The following RGS7 variants were observed in gnomAD, a reference collection of about 807,000 sequenced individuals.
The protein encoded by RGS7 is regulator of G protein signaling 7.
Under a neutral mutation model 81.1 loss-of-function variants are expected in RGS7, and 27 were observed. That is an observed-to-expected ratio of 0.33 (90% CI 0.25 to 0.46). The LOEUF (loss-of-function observed/expected upper bound fraction) is 0.46, where lower values mean the gene tolerates loss of function less well. Ranked by LOEUF, RGS7 falls within the 20% of genes least tolerant of loss-of-function variation. RGS7 has a pLI of 1.00. For missense variants in RGS7, 396 were observed against 607.4 expected (o/e 0.65, Z 3.66); for synonymous variants, 208 against 207.7 (o/e 1.00, Z -0.01).
chr1:241,264,455 C>T (rs750588627), intron 2 of RGS7, among the ~76,000 whole-genome samples: 9 of 152,118 alleles, frequency 5.9e-5, no homozygotes, highest in Non-Finnish European at 1.2e-4. Flanking sequence ...TGAGACAGTG[C>T]CTCTGCACTC....
rs373357799 is a variant in RGS7, at chr1:241,271,884, CGTGTGTGT to C, written c.78+83807_78+83814del. On this transcript the variant is annotated intron_variant, in intron 2 of 18. Coordinates refer to ENST00000440928, the MANE Select transcript of RGS7 (RefSeq NM_001364886.1). The surrounding 1 kb of genome is among the most constrained non-coding windows in gnomAD (Gnocchi z 4.6). ...AATCACACAAGCCAAATCTTTATAA[CGTGTGTGT>C]GTGTGTGTGTGTGTGTGTGTGTGTG... Among the ~76,000 whole-genome samples, 17,960 of 140,324 alleles carry C rather than the reference CGTGTGTGT, an allele frequency of 0.13. 1,190 individuals are homozygous for C. Among genetic ancestry groups the C allele is most frequent in the Middle Eastern group, 0.15 (41 of 274 alleles). 92.1% of individuals were successfully genotyped at this position (140,324 alleles called of 152,430 possible). A position where few individuals can be genotyped will look rare whatever the true frequency, so the allele number is the denominator to read the frequency against.
At chr1:240,882,159 C>T (rs550370595) in intron 6 of RGS7, among the ~76,000 whole-genome samples, 11 of 152,280 alleles carry the variant, frequency 7.2e-5, no homozygotes, top group Non-Finnish European at 1.3e-4. Context: ...AAGTGATCCA[C>T]CCGCCTTGGC....
chr1:241,302,906 T>C (rs916692693), intron 2 of RGS7, among the ~76,000 whole-genome samples: 1 of 152,054 alleles, frequency 6.6e-6, no homozygotes, highest in South Asian at 2.1e-4. Flanking sequence ...ACCACTGTAA[T>C]ACTATTATCA....
chr1:241,082,564 G>A (rs1355485722), intron 3 of RGS7, among the ~76,000 whole-genome samples: 1 of 152,180 alleles, frequency 6.6e-6, no homozygotes, highest in Non-Finnish European at 1.5e-5. Flanking sequence ...GTTACTAGAG[G>A]CTGGGAAGGG....
chr1:240,890,980 G>A (rs1305071737), intron 6 of RGS7, among the ~76,000 whole-genome samples: 1 of 152,214 alleles, frequency 6.6e-6, no homozygotes. Context: ...AGAGGCCTAC[G>A]ATATTCTTGA....
chr1:241,029,615 T>G (rs1023696354), intron 3 of RGS7, among the ~76,000 whole-genome samples: 1 of 152,248 alleles, frequency 6.6e-6, no homozygotes, highest in African/African-American at 2.4e-5. Context: ...CCATGCTTAT[T>G]CAATTACCTT....
intron 2 of RGS7, among the ~76,000 whole-genome samples, chr1:241,308,517 G>C (rs536803282): frequency 3.3e-5 from 5 of 152,140 alleles, no homozygotes; most frequent in Admixed American, 1.3e-4. Flanking sequence ...TTATCAGCTG[G>C]TCTATTACCT....
At chr1:241,221,560 G>A (rs986737685) in intron 2 of RGS7, among the ~76,000 whole-genome samples, 1 of 152,194 alleles carries the variant, frequency 6.6e-6, no homozygotes, top group Non-Finnish European at 1.5e-5. Context: ...AGCTTGGCTG[G>A]GCGACAACGC....
At chr1:241,321,381 T>C (rs555181269) in intron 2 of RGS7, among the ~76,000 whole-genome samples, 58 of 152,332 alleles carry the variant, frequency 3.8e-4, no homozygotes, top group Non-Finnish European at 5.4e-4. Flanking sequence ...CTTTCTGTTT[T>C]CAAGCAATTT....
chr1:240,944,631 T>G (rs1463975909), intron 4 of RGS7, among the ~76,000 whole-genome samples: 2 of 151,962 alleles, frequency 1.3e-5, no homozygotes, highest in Non-Finnish European at 2.9e-5. Flanking sequence ...CATGTGGAAA[T>G]CATGGGAAAA....
chr1:241,013,992 C>T (rs889547721), intron 3 of RGS7, among the ~76,000 whole-genome samples: 2 of 152,178 alleles, frequency 1.3e-5, no homozygotes, highest in Admixed American at 1.3e-4. Context: ...GCAGAAGCTA[C>T]AAGAATAATG....
At chr1:240,904,753 T>C (rs1670551732) in intron 6 of RGS7, among the ~76,000 whole-genome samples, 1 of 152,336 alleles carries the variant, frequency 6.6e-6, no homozygotes, top group Non-Finnish European at 1.5e-5. Flanking sequence ...AGCTGGATGA[T>C]ACTGGACATT....
chr1:240,981,558 T>TA (rs1466981849), intron 4 of RGS7, among the ~76,000 whole-genome samples: 2 of 152,166 alleles, frequency 1.3e-5, no homozygotes, highest in South Asian at 2.1e-4. Flanking sequence ...CCTATAGTTT[T>TA]AAAAAAACAG....
intron 2 of RGS7, among the ~76,000 whole-genome samples, chr1:241,145,458 A>G (rs1176101948): frequency 6.6e-6 from 1 of 152,218 alleles, no homozygotes; most frequent in East Asian, 1.9e-4. Flanking sequence ...TTTAGGATAA[A>G]GGTTGGATCC....
At chr1:241,120,428 G>A (rs912266481) in intron 2 of RGS7, among the ~76,000 whole-genome samples, 1 of 152,052 alleles carries the variant, frequency 6.6e-6, no homozygotes, top group African/African-American at 2.4e-5. Flanking sequence ...GTTCACTACC[G>A]CCTGGAACTC....
chr1:241,306,381 A>C (rs1393191786), intron 2 of RGS7, among the ~76,000 whole-genome samples: 2 of 149,760 alleles, frequency 1.3e-5, no homozygotes, highest in East Asian at 3.9e-4. Flanking sequence ...ACACGCACAC[A>C]CCCTTACACC....
At chr1:241,079,419 G>A (rs1005298043) in intron 3 of RGS7, among the ~76,000 whole-genome samples, 16 of 152,094 alleles carry the variant, frequency 1.1e-4, no homozygotes, top group African/African-American at 3.1e-4. Context: ...CATGTCCATC[G>A]AGAATAAAAT....
chr1:241,343,904 A>G (rs1287137505), intron 2 of RGS7, among the ~76,000 whole-genome samples: 1 of 152,172 alleles, frequency 6.6e-6, no homozygotes, highest in East Asian at 1.9e-4. Context: ...AAAGTAAAGA[A>G]GACTTCTTTG....
At chr1:241,176,307 A>G (rs548287218) in intron 2 of RGS7, among the ~76,000 whole-genome samples, 1 of 152,332 alleles carries the variant, frequency 6.6e-6, no homozygotes, top group Non-Finnish European at 1.5e-5. Context: ...GTTAGATATG[A>G]TCAGAGCTGA....
Sources: gnomAD v4.1 joint callset for allele counts (sites outside exome capture counted in the v4.1 genomes callset) on GRCh38, gnomAD v4.1.1 for gene constraint, Gnocchi (gnomAD v3.1) non-coding constraint, MANE v1.5 for transcripts, NCBI Gene and HGNC (gene_info 2026-07-23, HGNC 2026-07-21) for gene names.